Variants in DAPK1 observed in about 807,000 individuals in gnomAD.
DAPK1 encodes the protein death associated protein kinase 1, also known as death-associated protein kinase 1.
A neutral mutation model predicts 144.9 loss-of-function variants in DAPK1; 56 were observed. The observed-to-expected ratio is 0.39, with a 90% CI of 0.31 to 0.48. The LOEUF (loss-of-function observed/expected upper bound fraction) is 0.48, where lower values mean the gene tolerates loss of function less well. Among genes scored for constraint, DAPK1 ranks in the 20% least tolerant of loss-of-function variants. The pLI is 0.95. For synonymous variants in DAPK1, 690 were observed against 749.0 expected (o/e 0.92, Z 1.29); for missense variants, 1,454 against 1,875.4 (o/e 0.78, Z 4.15).
chr9:87,683,143 T>C (rs1443177721), intron 20 of DAPK1, among the ~76,000 whole-genome samples: 5 of 151,158 alleles, frequency 3.3e-5, no homozygotes, highest in Non-Finnish European at 7.4e-5. Flanking sequence ...AGTGCAGTGG[T>C]GTGATCTCGG....
chr9:87,707,310 G>A lies in DAPK1; in HGVS notation c.4239G>A (p.Ser1413=), dbSNP rs377592455. The change falls in exon 26 of 26, where the codon TCG becomes TCA. Residue 1413 remains serine (S), a synonymous_variant. Transcript: ENST00000408954. The surrounding 1 kb of genome is among the most constrained non-coding windows in gnomAD (Gnocchi z 4.0). ...GCAATGGCCAGGAGGCCTATGCCTC[G>A]AGCTGCAACAGCGGCACCTCTTACA... ...LDGNGQEAYA[S]SCNSGTSYNS... 5.6e-6 allele frequency: 9 copies of A among 1,612,522 alleles called. No homozygotes were observed. Among genetic ancestry groups the A allele is most frequent in the South Asian group, 5.5e-5 (5 of 90,926 alleles).
intron 2 of DAPK1, among the ~76,000 whole-genome samples, chr9:87,571,493 A>ACACACACACAC (rs1564001003): frequency 3.4e-4 from 16 of 47,034 alleles, no homozygotes; most frequent in Admixed American, 6.8e-4. Flanking sequence ...ACACACACAC[A>ACACACACACAC]CCCCAACACA....
chr9:87,544,221 T>C (rs1250247492), intron 2 of DAPK1, among the ~76,000 whole-genome samples: 1 of 152,212 alleles, frequency 6.6e-6, no homozygotes, highest in Non-Finnish European at 1.5e-5. Flanking sequence ...CATACATGAA[T>C]AAGTATATAA....
intron 25 of DAPK1, among the ~76,000 whole-genome samples, chr9:87,704,938 CT>C (rs1033391782): frequency 1.2e-4 from 18 of 152,022 alleles, no homozygotes; most frequent in East Asian, 3.9e-4. Context: ...TTTTTTGTCA[CT>C]TTTTTTTCCT....
At chr9:87,690,999 C>T (rs1396450478) in intron 21 of DAPK1, among the ~76,000 whole-genome samples, 2 of 151,794 alleles carry the variant, frequency 1.3e-5, no homozygotes, top group African/African-American at 2.4e-5. Flanking sequence ...GTTGTTTTTA[C>T]ATTCTTTTCT....
intron 2 of DAPK1, among the ~76,000 whole-genome samples, chr9:87,580,763 C>T (rs1161790693): frequency 6.6e-6 from 1 of 152,090 alleles, no homozygotes; most frequent in African/African-American, 2.4e-5. Context: ...ATTAAATTGC[C>T]CCTGTAAAGA....
At chr9:87,540,438 G>A (rs904821303) in intron 2 of DAPK1, among the ~76,000 whole-genome samples, 3 of 152,010 alleles carry the variant, frequency 2.0e-5, no homozygotes, top group Admixed American at 6.6e-5. Context: ...TAATCCTCTC[G>A]CCTCAGCCTC....
At chr9:87,660,767 C>T (rs1830817269) in intron 18 of DAPK1, among the ~76,000 whole-genome samples, 1 of 152,210 alleles carries the variant, frequency 6.6e-6, no homozygotes, top group African/African-American at 2.4e-5. Context: ...TTTCACTTAG[C>T]ATAACGGCCT....
chr9:87,530,088 C>T (rs368551225), intron 2 of DAPK1, among the ~76,000 whole-genome samples: 14 of 152,338 alleles, frequency 9.2e-5, no homozygotes, highest in African/African-American at 3.1e-4. Flanking sequence ...ATTATTTAGG[C>T]TTTCCCCCTC....
intron 15 of DAPK1, 92 bp downstream of exon 15, chr9:87,648,971 C>A: frequency 1.8e-6 from 2 of 1,116,210 alleles, no homozygotes; most frequent in Non-Finnish European, 2.7e-6. Flanking sequence ...GAGTTTTATC[C>A]AAGCTAGGCT....
intron 18 of DAPK1, chr9:87,667,938 A>G (rs1050989604): frequency 2.6e-5 from 4 of 152,732 alleles, no homozygotes; most frequent in Admixed American, 6.5e-5. Flanking sequence ...GTGGTGTTCA[A>G]TAAATACTTG....
intron 2 of DAPK1, among the ~76,000 whole-genome samples, chr9:87,570,751 T>C (rs917913352): frequency 1.1e-4 from 16 of 150,988 alleles, no homozygotes; most frequent in Non-Finnish European, 1.8e-4. Context: ...CCTGTTCAGC[T>C]GTTCAAAATG....
chr9:87,639,345 T>A lies in DAPK1; in HGVS notation c.424-9T>A. ...ATAGCTTTTTATTTATCTCTCTCTT[T>A]TTTTCAAGCCTGAGAACATAATGCT... is the stretch of plus-strand genomic sequence containing the variant. On this transcript the variant is annotated splice_polypyrimidine_tract_variant and intron_variant, in intron 4 of 25. Transcript: ENST00000408954. 1 of 1,589,466 alleles carries A rather than the reference T, an allele frequency of 6.3e-7. No homozygotes were observed. The highest frequency in any genetic ancestry group is 8.5e-7 in the Non-Finnish European group (1 of 1,172,902).
chr9:87,561,418 C>G (rs568063648), intron 2 of DAPK1, among the ~76,000 whole-genome samples: 74 of 151,874 alleles, frequency 4.9e-4, no homozygotes, highest in Non-Finnish European at 7.5e-4. Context: ...CCCAGCTACT[C>G]GGGAGGCTGA....
chr9:87,498,339 G>A (rs528151974), intron 1 of DAPK1, among the ~76,000 whole-genome samples: 1 of 152,314 alleles, frequency 6.6e-6, no homozygotes, highest in South Asian at 2.1e-4. Context: ...TTTGTGTCGG[G>A]GCGCGAGGAT....
chr9:87,689,636 A>G (rs1489575247), intron 21 of DAPK1, among the ~76,000 whole-genome samples: 1 of 152,112 alleles, frequency 6.6e-6, no homozygotes, highest in African/African-American at 2.4e-5. Context: ...TTTATAATTT[A>G]GGGTATACAT....
At position 87,498,205 on chromosome 9, in the gene DAPK1, C is replaced by G. The variant is rs1460868614; in HGVS notation, c.-109+98C>G. 44 of 396,382 alleles carry G rather than the reference C, an allele frequency of 1.1e-4. No individual in the cohort carries two copies. The East Asian group carries it at 1.6e-3, about 14-fold the overall frequency. The allele number at this position is 396,382 out of a possible 1,614,324, so 24.6% of individuals were successfully genotyped here. ...GGTGGGGTTTGTCCGGGCAGTGCCT[C>G]GAGCAACTGGGAAGGCCAAGGCGGA... On this transcript the variant is annotated intron_variant, in intron 1 of 25. Transcript: ENST00000408954.
chr9:87,694,906 C>T (rs545749923), intron 21 of DAPK1, among the ~76,000 whole-genome samples: 15 of 152,330 alleles, frequency 9.8e-5, no homozygotes, highest in Admixed American at 3.3e-4. Flanking sequence ...AGCTCCCTCT[C>T]TGGAGCAATA....
At chr9:87,503,286 A>G (rs1457911446) in intron 2 of DAPK1, among the ~76,000 whole-genome samples, 1 of 151,928 alleles carries the variant, frequency 6.6e-6, no homozygotes, top group Non-Finnish European at 1.5e-5. Flanking sequence ...TATTTTAGAG[A>G]CAGGGTCTTA....
Sources: allele counts gnomAD v4.1 joint callset (sites outside exome capture counted in the v4.1 genomes callset), GRCh38; gene constraint gnomAD v4.1.1; non-coding constraint Gnocchi (gnomAD v3.1); transcripts MANE v1.5; gene names NCBI Gene and HGNC (gene_info 2026-07-23, HGNC 2026-07-21).